S100Z: variants seen among roughly 807,000 people sequenced by gnomAD.
S100Z encodes the protein S100 calcium binding protein Z.
In S100Z, 11 loss-of-function variants were observed where a neutral mutation model predicts 8.5. The ratio of observed to expected loss-of-function variants is 1.30; its 90% CI spans 0.82 to 2.15. The LOEUF (loss-of-function observed/expected upper bound fraction) is 2.15, where lower values mean the gene tolerates loss of function less well. S100Z is among the 30% of genes most tolerant of loss of function. The pLI is 0.00. For missense variants in S100Z, 126 were observed against 117.9 expected, an observed-to-expected ratio of 1.07 and a Z score of -0.32; for synonymous variants, 34 against 43.8, an observed-to-expected ratio of 0.78 and a Z score of 0.89.
chr5:76,888,705 C>T (rs577490366), intron 4 of S100Z, among the ~76,000 whole-genome samples: 3 of 152,148 alleles, frequency 2.0e-5, no homozygotes, highest in East Asian at 1.9e-4. Context: ...CGTGAGCCAC[C>T]GTGTCTGACG....
chr5:76,905,785 T>C (rs914247681), intron 4 of S100Z, among the ~76,000 whole-genome samples: 2 of 152,166 alleles, frequency 1.3e-5, no homozygotes, highest in Non-Finnish European at 2.9e-5. Flanking sequence ...AAATCGAGGT[T>C]TTATGTTTAG....
At chr5:76,878,744 A>G (rs923762245) in intron 4 of S100Z, among the ~76,000 whole-genome samples, 10 of 152,188 alleles carry the variant, frequency 6.6e-5, no homozygotes, top group Admixed American at 4.6e-4. Context: ...GCAGGCAACC[A>G]GCTAGGAGGT....
chr5:76,867,653 G>A lies in S100Z; in HGVS notation c.-175-2513G>A, dbSNP rs145583669. 8.9e-3 allele frequency among the ~76,000 whole-genome samples: 1,316 copies of A among 147,926 alleles called. 14 individuals carry two copies. The highest frequency in any genetic ancestry group is 0.032 in the African/African-American group (1,267 of 39,974). On this transcript the variant is annotated intron_variant, in intron 1 of 4. Transcript: ENST00000317593. Reference sequence around the variant, plus strand: ...GTCTCCCAGGCTGGAGTATAGTGGTGTGATCTCAGCTCTCTGCAACTGAGT... The same window carrying A: ...GTCTCCCAGGCTGGAGTATAGTGGTATGATCTCAGCTCTCTGCAACTGAGT...
At chr5:76,874,510 A>G (rs1377985579) in intron 2 of S100Z, among the ~76,000 whole-genome samples, 1 of 152,124 alleles carries the variant, frequency 6.6e-6, no homozygotes, top group East Asian at 1.9e-4. Context: ...TTTGGTGATT[A>G]AATACGGAGC....
At chr5:76,922,934 C>T (rs539508178), downstream of S100Z, among the ~76,000 whole-genome samples, 222 of 151,810 alleles carry the variant, frequency 1.5e-3, 1 homozygote, top group African/African-American at 5.0e-3. Context: ...TCCCAATAAT[C>T]TGCCTTTTGT....
chr5:76,884,046 T>C (rs892025812), intron 4 of S100Z, among the ~76,000 whole-genome samples: 6 of 152,154 alleles, frequency 3.9e-5, no homozygotes, highest in African/African-American at 1.4e-4. Context: ...AGTCCTGTTG[T>C]GGGGTTCGAG....
intron 1 of S100Z, among the ~76,000 whole-genome samples, chr5:76,869,047 C>G (rs1316456248): frequency 6.6e-6 from 1 of 152,200 alleles, no homozygotes; most frequent in Admixed American, 6.5e-5. Flanking sequence ...TTAAACTAGA[C>G]AAGGCCAACT....
chr5:76,942,226 C>T, the S100Z span, among the ~76,000 whole-genome samples: 24 of 151,958 alleles, frequency 1.6e-4, no homozygotes, highest in Non-Finnish European at 3.1e-4. Context: ...ATTCTTCTGC[C>T]TCAGCCTCCT....
At chr5:76,861,286 T>C (rs1751047964) in intron 1 of S100Z, among the ~76,000 whole-genome samples, 1 of 152,122 alleles carries the variant, frequency 6.6e-6, no homozygotes, top group Admixed American at 6.5e-5. Context: ...CCTTACAATG[T>C]GGCAGCTGAT....
At chr5:76,850,657 C>T (rs749120621) in intron 1 of S100Z, among the ~76,000 whole-genome samples, 2 of 152,152 alleles carry the variant, frequency 1.3e-5, no homozygotes, top group East Asian at 3.9e-4. Context: ...GGTCTATGCT[C>T]CTCCTCTTCA....
chr5:76,872,510 A>C (rs1743047343), intron 2 of S100Z, among the ~76,000 whole-genome samples: 1 of 151,732 alleles, frequency 6.6e-6, no homozygotes, highest in Non-Finnish European at 1.5e-5. Context: ...AAAATAAAAA[A>C]ATTAGTCAGG....
intron 4 of S100Z, among the ~76,000 whole-genome samples, chr5:76,906,989 T>C (rs1299040975): frequency 4.6e-4 from 6 of 12,924 alleles, no homozygotes; most frequent in Non-Finnish European, 9.5e-4. Flanking sequence ...TATATATATA[T>C]ATATATATAT....
chr5:76,873,530 A>G (rs941655983), intron 2 of S100Z, among the ~76,000 whole-genome samples: 3 of 151,934 alleles, frequency 2.0e-5, no homozygotes, highest in Non-Finnish European at 4.4e-5. Flanking sequence ...GTGGTCTCGA[A>G]CTCCTGACCT....
At chr5:76,859,851 T>C (rs1751004749) in intron 1 of S100Z, among the ~76,000 whole-genome samples, 1 of 150,514 alleles carries the variant, frequency 6.6e-6, no homozygotes, top group Non-Finnish European at 1.5e-5. Context: ...AAACCATCTG[T>C]CTAGAATGAT....
chr5:76,851,983 G>C (rs1176276578), intron 1 of S100Z, among the ~76,000 whole-genome samples: 1 of 151,932 alleles, frequency 6.6e-6, no homozygotes, highest in Non-Finnish European at 1.5e-5. Context: ...GTTTTGGTGG[G>C]TTTTGTTTGT....
At chr5:76,937,076 C>G in the S100Z span, among the ~76,000 whole-genome samples, 1 of 152,270 alleles carries the variant, frequency 6.6e-6, no homozygotes, top group South Asian at 2.1e-4. Context: ...CAGAGCCCTC[C>G]CTGACCTTTC....
the S100Z span, among the ~76,000 whole-genome samples, chr5:76,947,785 T>A: frequency 6.6e-6 from 1 of 152,178 alleles, no homozygotes; most frequent in African/African-American, 2.4e-5. Flanking sequence ...GTTCAACAAA[T>A]GGTGTTGGGA....
rs1183868815 is a variant in S100Z, at chr5:76,887,873, G to A, written c.*2+10039G>A. 2.6e-5 allele frequency among the ~76,000 whole-genome samples: 4 copies of A among 152,174 alleles called. No homozygotes were observed. In the East Asian group the frequency reaches 7.7e-4, roughly 29 times the overall value. On this transcript the variant is annotated intron_variant, in intron 4 of 4. Transcript: ENST00000317593. ...CAGTTCTGAGCAGATAGGACAGGGA[G>A]AATTTAGAGGGCAGAACATTTAAGA...
the S100Z span, among the ~76,000 whole-genome samples, chr5:76,941,803 C>T: frequency 2.6e-5 from 4 of 152,114 alleles, no homozygotes; most frequent in African/African-American, 7.2e-5. Context: ...TGCTCCCCCC[C>T]CTTGATGGCA....
Sources: allele counts gnomAD v4.1 joint callset (sites outside exome capture counted in the v4.1 genomes callset), GRCh38; gene constraint gnomAD v4.1.1; transcripts MANE v1.5; gene names NCBI Gene and HGNC (gene_info 2026-07-23, HGNC 2026-07-21).